Variants in GCFC2 observed in about 807,000 individuals in gnomAD.
GCFC2 encodes the protein intron Large complex component GCFC2.
Under a neutral mutation model 99.4 loss-of-function variants are expected in GCFC2, and 102 were observed. The observed-to-expected ratio is 1.03, with a 90% CI of 0.87 to 1.21. The LOEUF (loss-of-function observed/expected upper bound fraction) is 1.21. GCFC2 is among the 50% of genes most tolerant of loss of function. The probability of loss-of-function intolerance (pLI) is 0.00; values close to 1 mark genes in which losing one functional copy is unlikely to be tolerated. For missense variants in GCFC2, 973 were observed against 920.9 expected (o/e 1.06, Z -0.73); for synonymous variants, 338 against 316.8 (o/e 1.07, Z -0.71).
chr2:75,677,977 CAA>C (rs1308285431), intron 12 of GCFC2, among the ~76,000 whole-genome samples: 16 of 103,696 alleles, frequency 1.5e-4, no homozygotes, highest in Admixed American at 1.0e-4. Flanking sequence ...GACTCCGCCT[CAA>C]AAAAAAAAAA....
intron 11 of GCFC2, 125 bp downstream of exon 11, chr2:75,687,702 A>G (rs1679880396): frequency 2.6e-6 from 2 of 766,550 alleles, no homozygotes; most frequent in African/African-American, 3.6e-5. Flanking sequence ...GTTGATTTTT[A>G]CTACATATAA....
chr2:75,680,659 C>T (rs1679534905), intron 11 of GCFC2, among the ~76,000 whole-genome samples: 1 of 152,116 alleles, frequency 6.6e-6, no homozygotes, highest in Non-Finnish European at 1.5e-5. Flanking sequence ...CTCTCAGGTC[C>T]ATTCACTCTC....
intron 8 of GCFC2, 98 bp downstream of exon 8, chr2:75,690,540 C>A: frequency 1.4e-6 from 1 of 721,146 alleles, no homozygotes. Context: ...TAATGTATAT[C>A]AGGTATAGTT....
chr2:75,711,247 T>G (rs1681170953), upstream of GCFC2: 1 of 983,388 alleles, frequency 1.0e-6, no homozygotes, highest in Non-Finnish European at 1.2e-6. Context: ...TGTCTTTTAC[T>G]TTCTGGAGAG....
Position 75,692,017 on chromosome 2 carries a change from A to G in GCFC2, c.1104T>C (p.Asp368=), listed in dbSNP as rs1306626949. The part of the protein sequence containing the change: ...QAMTFMKRRQ[D]ELKHESTYLQ... Reference sequence around the variant, plus strand: ...AATACGTTGATTCATGTTTTAATTCATCTTGCCTGCGTTTCATAAAGGTCA... The same window carrying G: ...AATACGTTGATTCATGTTTTAATTCGTCTTGCCTGCGTTTCATAAAGGTCA... Residue 368 remains aspartate, a synonymous_variant, in exon 7 of 17, where the codon GAT becomes GAC. Coordinates refer to ENST00000321027, the MANE Select transcript of GCFC2 (RefSeq NM_003203.5). 6.4e-7 allele frequency: 1 copy of G among 1,567,146 alleles called. No homozygotes were observed. Among genetic ancestry groups the G allele is most frequent in the Non-Finnish European group, 8.7e-7 (1 of 1,151,300 alleles).
At chr2:75,672,137 A>G (rs1679116822) in intron 13 of GCFC2, 121 bp from the exon 14 acceptor site, 1 of 227,898 alleles carries the variant, frequency 4.4e-6, no homozygotes, top group Admixed American at 5.6e-5. Flanking sequence ...GAATATAAAT[A>G]GAGATTGTTT....
chr2:75,706,688 CA>C, intron 1 of GCFC2, 37 bp from the exon 2 acceptor site: 1 of 1,424,632 alleles, frequency 7.0e-7, no homozygotes, highest in Non-Finnish European at 9.8e-7. Flanking sequence ...AAAAAAGAGT[CA>C]AAATAATGGA....
upstream of GCFC2, among the ~76,000 whole-genome samples, chr2:75,712,644 CTT>C (rs1481082478): frequency 1.3e-5 from 2 of 152,138 alleles, no homozygotes; most frequent in African/African-American, 4.8e-5. Context: ...ACTGCTGACT[CTT>C]TGGGTCCACG....
At chr2:75,706,222 C>A (rs569830704) in intron 2 of GCFC2, among the ~76,000 whole-genome samples, 1 of 152,174 alleles carries the variant, frequency 6.6e-6, no homozygotes, top group African/African-American at 2.4e-5. Flanking sequence ...CCTGAAACAT[C>A]CTCCCTGACA....
In GCFC2 at chr2:75,710,808, G is replaced by A; in HGVS notation, c.48C>T (p.Ser16=). The A allele has an allele frequency of 1.3e-6, 2 of 1,578,554 alleles. No individual in the cohort carries two copies. Among genetic ancestry groups the A allele is most frequent in the African/African-American group, 2.8e-5 (2 of 71,508 alleles). The change falls in exon 1 of 17, where the codon TCC becomes TCT. Residue 16 remains serine, a synonymous_variant. Transcript: ENST00000321027. ...KRTFRQRAAD[S]SDSDGAEESP... ...ACTCCTCGGCGCCATCGCTGTCGCT[G>A]GAATCAGCCGCGCGCTGCCGAAAAG...
intron 11 of GCFC2, among the ~76,000 whole-genome samples, chr2:75,686,986 G>A (rs1331188315): frequency 6.6e-6 from 1 of 151,520 alleles, no homozygotes; most frequent in Non-Finnish European, 1.5e-5. Flanking sequence ...CCAGGCTGGA[G>A]TGCAATGGCA....
chr2:75,671,982 A>C lies in GCFC2; in HGVS notation c.1924T>G (p.Phe642Val), dbSNP rs750598770. The C allele has an allele frequency of 6.3e-7, 1 of 1,594,686 alleles. No individual in the cohort carries two copies. Among genetic ancestry groups the C allele is most frequent in the South Asian group, 1.1e-5 (1 of 90,716 alleles). The change falls in exon 14 of 17, where the codon TTC becomes GTC. Residue 642 changes from phenylalanine (F) to valine (V), a missense_variant. Transcript: ENST00000321027. ...CCTGACCAGAACTGTCTTTCTTGGAACTTTGAATGAGGTGATGTTTTGTTT... is the reference window on the plus strand; with the variant it reads ...CCTGACCAGAACTGTCTTTCTTGGACCTTTGAATGAGGTGATGTTTTGTTT... ...VENKTSPHSKFQERQFWSGLK... is the reference protein window; with the variant it reads ...VENKTSPHSKVQERQFWSGLK...
intron 12 of GCFC2, among the ~76,000 whole-genome samples, chr2:75,678,098 G>T (rs1452879144): frequency 6.6e-6 from 1 of 152,020 alleles, no homozygotes; most frequent in East Asian, 1.9e-4. Flanking sequence ...AACCCTTCTG[G>T]GCCCCAGCTT....
intron 5 of GCFC2, 93 bp downstream of exon 5, chr2:75,696,107 T>C: frequency 1.7e-6 from 1 of 578,220 alleles, no homozygotes; most frequent in Non-Finnish European, 3.2e-6. Context: ...GTCTGTTTAA[T>C]ATCAGTACTT....
Position 75,666,169 on chromosome 2 carries a change from G to C in GCFC2, c.2104-116C>G, listed in dbSNP as rs73936772. ...TCATTCTCCCCATTTTATAGTTTAT[G>C]GTTAAATAAAAATTTCTAAAGATTT... On this transcript the variant is annotated intron_variant, in intron 15 of 16. Coordinates refer to ENST00000321027, the MANE Select transcript of GCFC2 (RefSeq NM_003203.5). 2.0e-3 allele frequency: 1,443 copies of C among 718,626 alleles called. 13 individuals are homozygous for C. The African/African-American group carries it at 0.024, about 12-fold the overall frequency. 44.5% of individuals were successfully genotyped at this position (718,626 alleles called of 1,614,324 possible).
chr2:75,688,172 A>G (rs1478724771), intron 10 of GCFC2, among the ~76,000 whole-genome samples, 195 bp from the exon 11 acceptor site: 3 of 152,240 alleles, frequency 2.0e-5, no homozygotes, highest in Non-Finnish European at 2.9e-5. Flanking sequence ...TCTAAGTAAC[A>G]TAAGAAGAAG....
intron 12 of GCFC2, among the ~76,000 whole-genome samples, chr2:75,678,275 T>G (rs1442718261): frequency 6.6e-6 from 1 of 152,246 alleles, no homozygotes; most frequent in Non-Finnish European, 1.5e-5. Context: ...TCTGCTTCTT[T>G]GTAGCTTTTA....
At chr2:75,690,469 C>T in intron 8 of GCFC2, 169 bp downstream of exon 8, 1 of 574,234 alleles carries the variant, frequency 1.7e-6, no homozygotes, top group African/African-American at 1.9e-5. Flanking sequence ...ACCAATGTGT[C>T]TTTAAAGCAG....
At chr2:75,712,490 C>CT (rs972176266), upstream of GCFC2, among the ~76,000 whole-genome samples, 1 of 152,188 alleles carries the variant, frequency 6.6e-6, no homozygotes, top group African/African-American at 2.4e-5. Context: ...AAACAGGCCG[C>CT]TGGGCTCTAC....
Sources: gnomAD v4.1 joint callset for allele counts (sites outside exome capture counted in the v4.1 genomes callset) on GRCh38, gnomAD v4.1.1 for gene constraint, MANE v1.5 for transcripts, NCBI Gene and HGNC (gene_info 2026-07-23, HGNC 2026-07-21) for gene names.